The following SGCG variants were observed in gnomAD, a reference collection of about 807,000 sequenced individuals.
SGCG encodes the protein sarcoglycan gamma.
A neutral mutation model predicts 29.3 loss-of-function variants in SGCG; 26 were observed. That is an observed-to-expected ratio of 0.89 (90% CI 0.65 to 1.23). The LOEUF (loss-of-function observed/expected upper bound fraction) is 1.23. SGCG is among the 50% of genes most tolerant of loss of function. The probability of loss-of-function intolerance (pLI) is 0.00; values close to 1 mark genes in which losing one functional copy is unlikely to be tolerated. For synonymous variants in SGCG, 145 were observed against 129.7 expected (o/e 1.12, Z -0.80); for missense variants, 353 against 356.0 (o/e 0.99, Z 0.07).
chr13:23,240,973 C>T (rs1459368164), intron 3 of SGCG, among the ~76,000 whole-genome samples: 2 of 151,636 alleles, frequency 1.3e-5, no homozygotes, highest in African/African-American at 4.8e-5. Context: ...CACGGTGAAA[C>T]CCTGTCTCTA....
At chr13:23,203,239 G>A (rs576814862) in intron 1 of SGCG, among the ~76,000 whole-genome samples, 7 of 152,292 alleles carry the variant, frequency 4.6e-5, no homozygotes, top group African/African-American at 7.2e-5. Context: ...AATTACAGGC[G>A]TGAGCCACTG....
At chr13:23,255,089 A>G (rs2137576318) in intron 4 of SGCG, among the ~76,000 whole-genome samples, 1 of 152,352 alleles carries the variant, frequency 6.6e-6, no homozygotes, top group East Asian at 1.9e-4. Flanking sequence ...GGCATTGCCT[A>G]GTGGAGCTAT....
intron 6 of SGCG, among the ~76,000 whole-genome samples, chr13:23,316,666 A>C (rs1206334136): frequency 6.6e-6 from 1 of 151,882 alleles, no homozygotes; most frequent in African/African-American, 2.4e-5. Context: ...AAGTGGCACC[A>C]CTCGCCATCA....
At chr13:23,164,726 TC>T in the SGCG span, among the ~76,000 whole-genome samples, 1 of 152,130 alleles carries the variant, frequency 6.6e-6, no homozygotes, top group African/African-American at 2.4e-5. Context: ...CTTGACACAG[TC>T]CGTCTCCTAC....
the SGCG span, among the ~76,000 whole-genome samples, chr13:23,167,321 G>T: frequency 6.6e-6 from 1 of 152,156 alleles, no homozygotes; most frequent in South Asian, 2.1e-4. Context: ...GATGAATATA[G>T]GTTGCTTCCA....
intron 3 of SGCG, among the ~76,000 whole-genome samples, chr13:23,242,793 T>A (rs1397836054): frequency 6.6e-6 from 1 of 152,154 alleles, no homozygotes; most frequent in Non-Finnish European, 1.5e-5. Flanking sequence ...GTTGAAATGG[T>A]AAATTTTGTG....
At chr13:23,260,369 CT>C (rs1402454769) in intron 4 of SGCG, among the ~76,000 whole-genome samples, 2 of 152,078 alleles carry the variant, frequency 1.3e-5, no homozygotes, top group Non-Finnish European at 1.5e-5. Context: ...ATTGCAACCC[CT>C]GCTTTTATTT....
intron 4 of SGCG, 88 bp from the exon 5 acceptor site, chr13:23,279,271 T>C: frequency 8.2e-7 from 1 of 1,224,176 alleles, no homozygotes; most frequent in Non-Finnish European, 1.2e-6. Context: ...ATACTTGGTA[T>C]TGTAGGGTTG....
intron 2 of SGCG, among the ~76,000 whole-genome samples, chr13:23,209,409 A>G (rs1878109797): frequency 6.6e-6 from 1 of 152,228 alleles, no homozygotes; most frequent in Admixed American, 6.5e-5. Flanking sequence ...ATATTTCCTT[A>G]GATAAATGTT....
intron 7 of SGCG, among the ~76,000 whole-genome samples, chr13:23,321,212 TG>T (rs956370493): frequency 1.3e-5 from 2 of 151,750 alleles, no homozygotes; most frequent in Admixed American, 6.6e-5. Context: ...AAAATAAGAG[TG>T]TTTTTTTCAA....
intron 3 of SGCG, among the ~76,000 whole-genome samples, chr13:23,241,148 CAAA>C (rs150540516): frequency 2.1e-5 from 2 of 95,622 alleles, no homozygotes; most frequent in Non-Finnish European, 4.0e-5. Flanking sequence ...GACTCCATCT[CAAA>C]AAAAAAAAAA....
rs747909634 is a variant in SGCG, at chr13:23,279,372, A to G, written c.399A>G (p.Val133=). The G allele has an allele frequency of 5.0e-6, 8 of 1,612,888 alleles. No individual in the cohort carries two copies. In the East Asian group the frequency reaches 1.8e-4, roughly 36 times the overall value. The change falls in exon 5 of 8, where the codon GTA becomes GTG. Residue 133 remains valine (V), a synonymous_variant. Coordinates refer to ENST00000218867, the MANE Select transcript of SGCG (RefSeq NM_000231.3). ...TTAATTCTTCAGGTCCCAAAATGGT[A>G]GAAGTCCAGAATCAACAGTTTCAGA... ...TGRLKVGPKM[V]EVQNQQFQIN...
intron 4 of SGCG, among the ~76,000 whole-genome samples, chr13:23,258,838 A>G (rs1245727113): frequency 6.6e-6 from 1 of 151,798 alleles, no homozygotes; most frequent in Non-Finnish European, 1.5e-5. Context: ...TGTTTATGTG[A>G]TGGATTACGT....
chr13:23,250,373 A>T (rs1298360770), intron 3 of SGCG, among the ~76,000 whole-genome samples: 1 of 149,222 alleles, frequency 6.7e-6, no homozygotes, highest in Non-Finnish European at 1.5e-5. Context: ...TAAATAATTC[A>T]TATTTTTTTC....
At chr13:23,304,868 A>T (rs984661086) in intron 6 of SGCG, among the ~76,000 whole-genome samples, 1 of 152,140 alleles carries the variant, frequency 6.6e-6, no homozygotes, top group African/African-American at 2.4e-5. Flanking sequence ...GCCTCAGATG[A>T]TCCACTCGCC....
At chr13:23,282,585 T>C (rs2137623010) in intron 5 of SGCG, among the ~76,000 whole-genome samples, 1 of 152,346 alleles carries the variant, frequency 6.6e-6, no homozygotes, top group Non-Finnish European at 1.5e-5. Flanking sequence ...ATGCAGTATT[T>C]GGTTTTCTAT....
intron 6 of SGCG, among the ~76,000 whole-genome samples, chr13:23,316,375 A>C (rs1030487705): frequency 6.6e-6 from 1 of 152,220 alleles, no homozygotes; most frequent in Non-Finnish European, 1.5e-5. Flanking sequence ...CCTCTGATCA[A>C]GGCACTCCCT....
chr13:23,211,994 T>A (rs1878238994), intron 2 of SGCG, among the ~76,000 whole-genome samples: 1 of 152,170 alleles, frequency 6.6e-6, no homozygotes, highest in African/African-American at 2.4e-5. Flanking sequence ...CCCTTGGTGC[T>A]GTTGTCCTGA....
At chr13:23,165,442 A>G in the SGCG span, among the ~76,000 whole-genome samples, 1 of 152,160 alleles carries the variant, frequency 6.6e-6, no homozygotes, top group Non-Finnish European at 1.5e-5. Context: ...GAACAAAACC[A>G]TGGGGAGGAG....
Sources: allele counts gnomAD v4.1 joint callset (sites outside exome capture counted in the v4.1 genomes callset), GRCh38; gene constraint gnomAD v4.1.1; transcripts MANE v1.5; gene names NCBI Gene and HGNC (gene_info 2026-07-23, HGNC 2026-07-21).